Variants in EIF3E observed in about 807,000 individuals in gnomAD.
The protein encoded by EIF3E is eukaryotic translation initiation factor 3 subunit E, also known as eIF-3 p48.
Under a neutral mutation model 59.3 loss-of-function variants are expected in EIF3E, and 25 were observed. That is an observed-to-expected ratio of 0.42 (90% confidence interval 0.31 to 0.59). The LOEUF is 0.59. EIF3E is among the 20% of genes least tolerant of loss of function. EIF3E has a pLI of 0.15. For missense variants in EIF3E, 317 were observed against 534.3 expected (o/e 0.59, Z 4.01); for synonymous variants, 176 against 170.2 (o/e 1.03, Z -0.26).
chr8:108,223,931 A>C (rs1815471011), intron 7 of EIF3E, among the ~76,000 whole-genome samples: 1 of 151,388 alleles, frequency 6.6e-6, no homozygotes, highest in Non-Finnish European at 1.5e-5. Flanking sequence ...AAAAATAAAA[A>C]GTATGGCCAG....
chr8:108,241,957 C>G, intron 1 of EIF3E, 44 bp from the exon 2 acceptor site: 8 of 1,345,126 alleles, frequency 5.9e-6, no homozygotes, highest in Non-Finnish European at 7.2e-6. Context: ...TTAAGTTCCC[C>G]AAATAAACTG....
At chr8:108,240,399 T>C (rs540089743) in intron 2 of EIF3E, among the ~76,000 whole-genome samples, 63 of 152,314 alleles carry the variant, frequency 4.1e-4, no homozygotes, top group South Asian at 2.1e-3. Context: ...TAATTCTCCA[T>C]TGCAGAAACT....
chr8:108,210,671 T>G (rs1815189890), intron 10 of EIF3E, among the ~76,000 whole-genome samples: 1 of 152,186 alleles, frequency 6.6e-6, no homozygotes, highest in Non-Finnish European at 1.5e-5. Context: ...TATGCACACA[T>G]GTGCCATGTT....
At chr8:108,221,471 G>A (rs1289379408) in intron 7 of EIF3E, 1 of 152,162 alleles carries the variant, frequency 6.6e-6, no homozygotes, top group Non-Finnish European at 1.5e-5. Flanking sequence ...TAATGTGGAT[G>A]TATATTATTA....
At chr8:108,233,306 A>C (rs1815658006) in intron 5 of EIF3E, 1 of 152,188 alleles carries the variant, frequency 6.6e-6, no homozygotes, top group Admixed American at 6.5e-5. Context: ...TATGCAATTT[A>C]AGTGTAGAAA....
chr8:108,238,605 C>G (rs1815780390), intron 3 of EIF3E, among the ~76,000 whole-genome samples: 1 of 152,154 alleles, frequency 6.6e-6, no homozygotes, highest in African/African-American at 2.4e-5. Context: ...AGATGCAGAA[C>G]AGAGAGCTAA....
In EIF3E at chr8:108,236,457, T is replaced by C. The variant is rs56942188; in HGVS notation, c.324-254A>G. 4.1e-3 allele frequency among the ~76,000 whole-genome samples: 621 copies of C among 152,336 alleles called. 5 individuals carry two copies. The highest frequency in any genetic ancestry group is 0.014 in the African/African-American group (582 of 41,568). ...GAAAATTAGTGTGTTTCACCACAAC[T>C]AAGGTAAGGCCTTTAACAGTTTGTC... is the stretch of plus-strand genomic sequence containing the variant. On this transcript the variant is annotated intron_variant, in intron 3 of 12. Coordinates refer to ENST00000220849, the MANE Select transcript of EIF3E (RefSeq NM_001568.3).
chr8:108,210,003 T>C (rs1815176971), intron 10 of EIF3E, among the ~76,000 whole-genome samples: 1 of 152,060 alleles, frequency 6.6e-6, no homozygotes. Flanking sequence ...TATCATTTCT[T>C]ACAACTGATA....
intron 10 of EIF3E, among the ~76,000 whole-genome samples, chr8:108,211,377 T>A (rs1311628380): frequency 6.6e-6 from 1 of 152,240 alleles, no homozygotes; most frequent in African/African-American, 2.4e-5. Flanking sequence ...ATATGTCTGT[T>A]GGCTGCATAA....
At chr8:108,221,678 A>G (rs1245342089) in intron 7 of EIF3E, 1 of 152,180 alleles carries the variant, frequency 6.6e-6, no homozygotes, top group Non-Finnish European at 1.5e-5. Flanking sequence ...GTCCAGGTAT[A>G]ACTGGCATCA....
intron 10 of EIF3E, among the ~76,000 whole-genome samples, chr8:108,210,090 AC>A (rs1815179097): frequency 6.6e-6 from 1 of 150,564 alleles, no homozygotes; most frequent in Admixed American, 6.6e-5. Context: ...CACTTAGAGG[AC>A]CTTTTTTTAA....
At chr8:108,233,897 C>T (rs1302846288) in intron 5 of EIF3E, among the ~76,000 whole-genome samples, 3 of 148,576 alleles carry the variant, frequency 2.0e-5, no homozygotes, top group African/African-American at 7.4e-5. Flanking sequence ...CTTACTAGTC[C>T]AAGGTAACAA....
intron 10 of EIF3E, among the ~76,000 whole-genome samples, chr8:108,206,968 T>A (rs1815113906): frequency 6.6e-6 from 1 of 152,222 alleles, no homozygotes. Context: ...CATATCTTAC[T>A]TTGTGGATCT....
intron 7 of EIF3E, among the ~76,000 whole-genome samples, chr8:108,221,914 A>AT (rs929070291): frequency 9.2e-5 from 14 of 152,160 alleles, no homozygotes; most frequent in South Asian, 6.2e-4. Flanking sequence ...TTCTTTTCAC[A>AT]TTTTTTTAGC....
chr8:108,242,335 T>C lies in EIF3E; in HGVS notation c.91-422A>G. 4 of 1,289,630 alleles carry C rather than the reference T, an allele frequency of 3.1e-6. No individual in the cohort carries two copies. In the South Asian group the frequency reaches 4.9e-5, roughly 16 times the overall value. 79.9% of individuals were successfully genotyped at this position (1,289,630 alleles called of 1,614,324 possible). ...CTCCTATATGCTTCTCCATCCACAT[T>C]GCTGAAACAACCTGCACCAAGTTTT... On this transcript the variant is annotated intron_variant, in intron 1 of 12. Transcript: ENST00000220849.
intron 7 of EIF3E, among the ~76,000 whole-genome samples, chr8:108,223,395 A>T (rs1369396075): frequency 1.3e-5 from 2 of 152,204 alleles, no homozygotes; most frequent in African/African-American, 4.8e-5. Flanking sequence ...AAGCAGGTAA[A>T]CTATCTGCAC....
In EIF3E at chr8:108,201,749, GA is replaced by G. The variant is rs559592806; in HGVS notation, c.*135del. Reference sequence around the variant, plus strand: ...AAGAAAACTGACAGCAAGATAAAATGAATCAATTTTATTCCAATTCTTCAAA... The same window carrying G: ...AAGAAAACTGACAGCAAGATAAAATGATCAATTTTATTCCAATTCTTCAAA... On this transcript the variant is annotated 3_prime_UTR_variant, in exon 13 of 13. Coordinates refer to ENST00000220849, the MANE Select transcript of EIF3E (RefSeq NM_001568.3). 3,752 of 716,212 alleles carry G rather than the reference GA, an allele frequency of 5.2e-3. 22 individuals are homozygous for G. The highest frequency in any genetic ancestry group is 6.6e-3 in the Non-Finnish European group (3,290 of 495,492). 44.4% of individuals were successfully genotyped at this position (716,212 alleles called of 1,614,324 possible). A position where few individuals can be genotyped will look rare whatever the true frequency, so the allele number is the denominator to read the frequency against.
At chr8:108,208,794 G>A (rs1227108630) in intron 10 of EIF3E, among the ~76,000 whole-genome samples, 1 of 151,974 alleles carries the variant, frequency 6.6e-6, no homozygotes, top group Non-Finnish European at 1.5e-5. Context: ...TCCATAATTT[G>A]TTTTCATCTA....
intron 7 of EIF3E, among the ~76,000 whole-genome samples, chr8:108,222,966 GT>G (rs986990884): frequency 6.6e-6 from 1 of 151,592 alleles, no homozygotes; most frequent in African/African-American, 2.4e-5. Context: ...CTTTATGGGA[GT>G]TTTCCTACAG....
Sources: allele counts gnomAD v4.1 joint callset (sites outside exome capture counted in the v4.1 genomes callset), GRCh38; gene constraint gnomAD v4.1.1; transcripts MANE v1.5; gene names NCBI Gene and HGNC (gene_info 2026-07-23, HGNC 2026-07-21).